Variants in GTF2I observed in about 807,000 individuals in gnomAD.
The protein encoded by GTF2I is general transcription factor IIi.
A neutral mutation model predicts 67.6 loss-of-function variants in GTF2I; 12 were observed. The ratio of observed to expected loss-of-function variants is 0.18; its 90% CI spans 0.11 to 0.29. The LOEUF is 0.29. GTF2I is among the 10% of genes least tolerant of loss of function. The pLI is 1.00. For missense variants in GTF2I, 271 were observed against 580.1 expected, an observed-to-expected ratio of 0.47 and a Z score of 5.47; for synonymous variants, 149 against 197.0, an observed-to-expected ratio of 0.76 and a Z score of 2.04.
chr7:74,712,305 A>G (rs1791653410), intron 9 of GTF2I, among the ~76,000 whole-genome samples: 1 of 152,164 alleles, frequency 6.6e-6, no homozygotes, highest in Non-Finnish European at 1.5e-5. Context: ...TTAGTGAACC[A>G]TAGTATTTGT....
chr7:74,673,330 A>T (rs782086713), intron 1 of GTF2I, among the ~76,000 whole-genome samples: 2 of 152,100 alleles, frequency 1.3e-5, no homozygotes, highest in Non-Finnish European at 2.9e-5. Flanking sequence ...GCAGCCAGAC[A>T]ACTCCTGCTC....
At chr7:74,714,059 C>A (rs1433049937) in intron 9 of GTF2I, among the ~76,000 whole-genome samples, 5 of 152,118 alleles carry the variant, frequency 3.3e-5, no homozygotes, top group African/African-American at 9.7e-5. Flanking sequence ...TTTCCCAATT[C>A]TCTTCAGAGA....
chr7:74,660,152 A>T (rs1158677178), intron 1 of GTF2I, among the ~76,000 whole-genome samples: 1 of 148,308 alleles, frequency 6.7e-6, no homozygotes, highest in African/African-American at 2.5e-5. Flanking sequence ...TTTCTTGCTC[A>T]TATGCAGCCA....
chr7:74,680,833 T>A (rs1554393955), intron 1 of GTF2I, among the ~76,000 whole-genome samples: 1 of 152,168 alleles, frequency 6.6e-6, no homozygotes, highest in East Asian at 1.9e-4. Context: ...AAAGAAAATT[T>A]TATGGAATTA....
At chr7:74,668,173 C>CTT (rs781864782) in intron 1 of GTF2I, among the ~76,000 whole-genome samples, 3,137 of 92,748 alleles carry the variant, frequency 0.034, 125 homozygotes, top group East Asian at 0.041. Flanking sequence ...TGGTGCAGAA[C>CTT]TTTTTTTTTT....
intron 1 of GTF2I, among the ~76,000 whole-genome samples, chr7:74,660,388 C>T (rs961678188): frequency 6.6e-6 from 1 of 151,754 alleles, no homozygotes; most frequent in Non-Finnish European, 1.5e-5. Context: ...GACGGTGTTT[C>T]GCCATGTTTG....
At position 74,661,240 on chromosome 7, in the gene GTF2I, G is replaced by A. The variant is rs782258527; in HGVS notation, c.-6+3172G>A. On this transcript the variant is annotated intron_variant, in intron 1 of 34. Coordinates refer to ENST00000573035, the MANE Select transcript of GTF2I (RefSeq NM_032999.4). ...CCCAGGCTGATTCTGCAGGTCTGGG[G>A]AGTTGCCCCACAATTTGCATTTCGA... Among the ~76,000 whole-genome samples the A allele has an allele frequency of 6.8e-4, 103 of 152,288 alleles. 2 individuals are homozygous for A. Among genetic ancestry groups the A allele is most frequent in the Non-Finnish European group, 1.3e-3 (90 of 68,034 alleles).
intron 8 of GTF2I, among the ~76,000 whole-genome samples, chr7:74,710,127 C>A (rs1243643345): frequency 1.3e-5 from 2 of 152,090 alleles, no homozygotes; most frequent in African/African-American, 4.8e-5. Context: ...GGAGTAACTC[C>A]TTTTTTTGCT....
At chr7:74,660,569 A>T (rs1804385884) in intron 1 of GTF2I, among the ~76,000 whole-genome samples, 1 of 150,752 alleles carries the variant, frequency 6.6e-6, no homozygotes, top group Non-Finnish European at 1.5e-5. Context: ...CCTTCCTCGC[A>T]GGGCACCTTT....
chr7:74,702,237 T>G (rs1390237525), intron 6 of GTF2I, among the ~76,000 whole-genome samples: 1 of 152,158 alleles, frequency 6.6e-6, no homozygotes, highest in Non-Finnish European at 1.5e-5. Context: ...CTTTTTTTTT[T>G]TTTTTAATTG....
intron 1 of GTF2I, among the ~76,000 whole-genome samples, chr7:74,680,079 CAAAAAAAA>C (rs1225904374): frequency 3.6e-4 from 11 of 30,522 alleles, no homozygotes; most frequent in Non-Finnish European, 5.2e-4. Context: ...GAGTCCATCT[CAAAAAAAA>C]AAAAAAAAAA....
rs1309230654 is a variant in GTF2I at position 74,658,017 on chromosome 7, C to G, written c.-57C>G. 6.6e-6 allele frequency: 1 copy of G among 151,590 alleles called. No individual in the cohort carries two copies. The highest frequency in any genetic ancestry group is 1.5e-5 in the Non-Finnish European group (1 of 67,878). 9.4% of individuals were successfully genotyped at this position (151,590 alleles called of 1,614,324 possible). ...GCAGCCCGCGCGCGGCCCACACTCG[C>G]CTCCCCTCGGCACCCCCGGCCCCGG... On this transcript the variant is annotated 5_prime_UTR_variant, in exon 1 of 35. Transcript: ENST00000573035.
intron 1 of GTF2I, among the ~76,000 whole-genome samples, chr7:74,684,420 G>A (rs1174406196): frequency 1.3e-5 from 2 of 152,214 alleles, no homozygotes; most frequent in Non-Finnish European, 2.9e-5. Flanking sequence ...CGGTGCATCA[G>A]ATGCTTCCTA....
chr7:74,680,260 A>C (rs1157933440), intron 1 of GTF2I, among the ~76,000 whole-genome samples: 2 of 150,318 alleles, frequency 1.3e-5, no homozygotes, highest in African/African-American at 4.9e-5. Context: ...TAAATAAAAG[A>C]GTGTTCTAGC....
At chr7:74,703,646 CTGGGATT>C (rs1435388655) in intron 6 of GTF2I, among the ~76,000 whole-genome samples, 3 of 152,222 alleles carry the variant, frequency 2.0e-5, no homozygotes, top group African/African-American at 7.2e-5. Flanking sequence ...TCCCAGAGTG[CTGGGATT>C]ATAGGCGTGA....
chr7:74,734,631 A>C (rs1202180448), intron 16 of GTF2I, among the ~76,000 whole-genome samples: 1 of 143,548 alleles, frequency 7.0e-6, no homozygotes, highest in East Asian at 2.2e-4. Context: ...TATGTTGGCC[A>C]GGCTGATCTC....
At chr7:74,660,621 C>CTT (rs35605839) in intron 1 of GTF2I, among the ~76,000 whole-genome samples, 1,323 of 124,470 alleles carry the variant, frequency 0.011, 49 homozygotes, top group Admixed American at 0.049. Context: ...CTTTTCTTTT[C>CTT]TTTTTTTTTT....
intron 8 of GTF2I, among the ~76,000 whole-genome samples, chr7:74,707,963 G>C (rs1584228170): frequency 6.6e-6 from 1 of 151,976 alleles, no homozygotes; most frequent in Non-Finnish European, 1.5e-5. Context: ...GTGCAGCCAG[G>C]AGACAGAAAC....
intron 3 of GTF2I, among the ~76,000 whole-genome samples, chr7:74,694,499 A>C (rs1788690414): frequency 6.6e-6 from 1 of 152,138 alleles, no homozygotes; most frequent in Admixed American, 6.5e-5. Context: ...AGGTACGAGA[A>C]TCGCTTGAGC....
Sources: allele counts gnomAD v4.1 joint callset (sites outside exome capture counted in the v4.1 genomes callset), GRCh38; gene constraint gnomAD v4.1.1; transcripts MANE v1.5; gene names NCBI Gene and HGNC (gene_info 2026-07-23, HGNC 2026-07-21).